ARMH4: variants seen among roughly 807,000 people sequenced by gnomAD.
ARMH4 encodes armadillo-like helical domain-containing protein 4.
ARMH4 carries 49 observed loss-of-function variants against 61.9 expected under a neutral mutation model. That is an observed-to-expected ratio of 0.79 (90% CI 0.63 to 1.00). The LOEUF (loss-of-function observed/expected upper bound fraction) is 1.00, where lower values mean the gene tolerates loss of function less well. Ranked by LOEUF, ARMH4 falls within the 50% of genes least tolerant of loss-of-function variation. The pLI, the probability that ARMH4 is intolerant of heterozygous loss-of-function variation, is 0.00. For synonymous variants in ARMH4, 368 were observed against 341.5 expected (o/e 1.08, Z -0.85); for missense variants, 934 against 930.0 (o/e 1.00, Z -0.06).
intron 5 of ARMH4, among the ~76,000 whole-genome samples, chr14:58,074,728 GTAGT>G (rs1221699500): frequency 2.6e-5 from 4 of 152,082 alleles, no homozygotes; most frequent in Non-Finnish European, 5.9e-5. Context: ...GAAGTAACAT[GTAGT>G]AAAATAATTA....
chr14:58,120,105 T>C (rs1886673742), intron 4 of ARMH4, among the ~76,000 whole-genome samples: 1 of 152,128 alleles, frequency 6.6e-6, no homozygotes, highest in African/African-American at 2.4e-5. Flanking sequence ...ATGTAGGCTA[T>C]AAGGTATAGC....
At chr14:58,005,584 A>G (rs1327915237) in intron 6 of ARMH4, among the ~76,000 whole-genome samples, 1 of 152,192 alleles carries the variant, frequency 6.6e-6, no homozygotes, top group Non-Finnish European at 1.5e-5. Flanking sequence ...AGCTTAAAGG[A>G]GGTCAAAGTG....
rs142756219 is a variant in ARMH4 at position 58,105,513 on chromosome 14, C to G, written c.1832-8532G>C. On this transcript the variant is annotated intron_variant, in intron 4 of 7. Transcript: ENST00000267485. ...ACCATCCTGGCCAACATGGTAAAAC[C>G]CTGTCTCTACTAAAAATACAAAAAT... 9.0e-3 allele frequency among the ~76,000 whole-genome samples: 1,370 copies of G among 151,904 alleles called. 25 individuals are homozygous for G. The highest frequency in any genetic ancestry group is 0.031 in the African/African-American group (1,302 of 41,436).
chr14:58,073,250 C>T (rs1220072739), intron 5 of ARMH4, among the ~76,000 whole-genome samples: 1 of 152,164 alleles, frequency 6.6e-6, no homozygotes, highest in Non-Finnish European at 1.5e-5. Context: ...AGGAATCATT[C>T]TTATGCCATT....
intron 5 of ARMH4, among the ~76,000 whole-genome samples, chr14:58,046,450 T>C (rs1436922679): frequency 1.3e-5 from 2 of 152,150 alleles, no homozygotes. Flanking sequence ...GCTACTCCCT[T>C]GTGCAGTAAG....
At chr14:58,121,421 A>G (rs1013134147) in intron 4 of ARMH4, among the ~76,000 whole-genome samples, 33 of 152,264 alleles carry the variant, frequency 2.2e-4, no homozygotes, top group Non-Finnish European at 4.1e-4. Context: ...AATTGCAATT[A>G]TACCAATAAA....
intron 5 of ARMH4, among the ~76,000 whole-genome samples, chr14:58,032,704 G>A (rs895897730): frequency 6.0e-5 from 9 of 149,028 alleles, no homozygotes; most frequent in Admixed American, 1.3e-4. Flanking sequence ...CGCACCGTGC[G>A]CGAGCCGAAG....
chr14:58,061,837 A>G (rs904177269), intron 5 of ARMH4, among the ~76,000 whole-genome samples: 2 of 152,116 alleles, frequency 1.3e-5, no homozygotes, highest in African/African-American at 4.8e-5. Context: ...GCAGCCTTCA[A>G]CTTGGAGGTG....
intron 5 of ARMH4, among the ~76,000 whole-genome samples, chr14:58,041,652 A>G (rs954657451): frequency 1.3e-5 from 2 of 152,210 alleles, no homozygotes; most frequent in African/African-American, 4.8e-5. Flanking sequence ...AGACTGGCAA[A>G]TTGGATAAAG....
intron 5 of ARMH4, among the ~76,000 whole-genome samples, chr14:58,046,306 C>A (rs1272731398): frequency 1.3e-5 from 2 of 152,124 alleles, no homozygotes; most frequent in African/African-American, 4.8e-5. Flanking sequence ...GTTCTAATGA[C>A]CTGAGTCACC....
At chr14:58,130,005 G>A (rs896949716) in intron 4 of ARMH4, among the ~76,000 whole-genome samples, 2 of 152,150 alleles carry the variant, frequency 1.3e-5, no homozygotes, top group African/African-American at 4.8e-5. Flanking sequence ...CAATACAACT[G>A]CCATCATCTA....
intron 5 of ARMH4, among the ~76,000 whole-genome samples, chr14:58,059,938 T>A (rs1392535886): frequency 6.6e-6 from 1 of 152,180 alleles, no homozygotes; most frequent in East Asian, 1.9e-4. Flanking sequence ...AAAAGCTAAG[T>A]AACAGGATCT....
At chr14:58,027,623 T>A (rs1054821648) in intron 5 of ARMH4, among the ~76,000 whole-genome samples, 2 of 148,544 alleles carry the variant, frequency 1.3e-5, no homozygotes, top group African/African-American at 2.4e-5. Context: ...TCTATTAACA[T>A]CTACACAGTT....
chr14:58,100,427 G>C (rs945960161), intron 4 of ARMH4, among the ~76,000 whole-genome samples: 6 of 152,192 alleles, frequency 3.9e-5, no homozygotes, highest in Admixed American at 1.3e-4. Flanking sequence ...GGAGAGGTGA[G>C]TAGGCACAGA....
chr14:58,019,970 T>C (rs368499479), intron 5 of ARMH4, among the ~76,000 whole-genome samples: 37 of 152,292 alleles, frequency 2.4e-4, no homozygotes, highest in Non-Finnish European at 4.0e-4. Flanking sequence ...TTATCCCAGA[T>C]ATATGCATAA....
intron 5 of ARMH4, among the ~76,000 whole-genome samples, chr14:58,067,793 A>T (rs1262100361): frequency 6.6e-6 from 1 of 152,250 alleles, no homozygotes; most frequent in Non-Finnish European, 1.5e-5. Context: ...CCTTTTAGCC[A>T]ACCAGGGACT....
Position 58,138,114 on chromosome 14 carries a change from G to C in ARMH4, c.1245C>G (p.Leu415=), listed in dbSNP as rs1260379637. Reference sequence around the variant, plus strand: ...ATTCCGTGAAGTCTCCCGTACTTTGGAGCAAGTTCACAATGGAAACTTTCA... The same window carrying C: ...ATTCCGTGAAGTCTCCCGTACTTTGCAGCAAGTTCACAATGGAAACTTTCA... The part of the protein sequence containing the change: ...EDMKVSIVNL[L]QSTGDFTEST... Residue 415 remains leucine, a synonymous_variant, in exon 2 of 8, where the codon CTC becomes CTG. Transcript: ENST00000267485. 6.2e-7 allele frequency: 1 copy of C among 1,614,088 alleles called. No individual in the cohort carries two copies. The highest frequency in any genetic ancestry group is 8.5e-7 in the Non-Finnish European group (1 of 1,180,046).
chr14:58,132,775 C>A (rs1418043485), intron 3 of ARMH4, among the ~76,000 whole-genome samples: 1 of 151,782 alleles, frequency 6.6e-6, no homozygotes, highest in Non-Finnish European at 1.5e-5. Context: ...TTAGTAGAGA[C>A]GGGGTTTCAC....
chr14:58,012,571 G>A (rs1882448846), intron 5 of ARMH4, among the ~76,000 whole-genome samples: 1 of 152,182 alleles, frequency 6.6e-6, no homozygotes, highest in African/African-American at 2.4e-5. Context: ...GAGATTAAGG[G>A]AGGAAGGGAA....
Sources: allele counts gnomAD v4.1 joint callset (sites outside exome capture counted in the v4.1 genomes callset), GRCh38; gene constraint gnomAD v4.1.1; transcripts MANE v1.5; gene names NCBI Gene and HGNC (gene_info 2026-07-23, HGNC 2026-07-21).